Variants in CCT8L2 observed in about 807,000 individuals in gnomAD.
The protein encoded by CCT8L2 is T-complex protein 1 subunit theta-like 2.
CCT8L2 carries 29 observed loss-of-function variants against 31.5 expected under a neutral mutation model. That is an observed-to-expected ratio of 0.92 (90% confidence interval 0.68 to 1.25). The LOEUF (loss-of-function observed/expected upper bound fraction) is 1.25. Ranked by LOEUF, CCT8L2 falls within the 50% of genes most tolerant of loss-of-function variation. CCT8L2 has a pLI of 0.00. For synonymous variants in CCT8L2, 256 were observed against 290.1 expected, an observed-to-expected ratio of 0.88 and a Z score of 1.19; for missense variants, 589 against 695.7, an observed-to-expected ratio of 0.85 and a Z score of 1.73.
rs927041411 is a variant in CCT8L2, at chr22:16,590,918, G to A, written c.1633C>T (p.Pro545Ser). ...PDSKKTKKHP[P>S]PVETKKILGL... ...AGGATTTTTTTTGTTTCCACAGGAG[G>A]TGGGTGTTTCTTTGTCTTCTTAGAG... Residue 545 changes from proline (P) to serine (S), a missense_variant, in exon 1 of 1, where the codon CCT becomes TCT. Physicochemically the swap from Pro to Ser is moderately conservative, Grantham distance 74. Coordinates refer to ENST00000359963, the MANE Select transcript of CCT8L2 (RefSeq NM_014406.5). 4 of 1,613,426 alleles carry A rather than the reference G, an allele frequency of 2.5e-6. No homozygotes were observed. The African/African-American group carries it at 5.3e-5, about 22-fold the overall frequency.
rs1454393209 is a variant in CCT8L2 at position 16,592,351 on chromosome 22, G to A, written c.200C>T (p.Thr67Ile). The A allele has an allele frequency of 6.2e-6, 10 of 1,614,110 alleles. No individual in the cohort carries two copies. Among genetic ancestry groups the A allele is most frequent in the African/African-American group, 1.3e-5 (1 of 74,948 alleles). ...QKFLVTMKGETVCTGCATAIL... is the reference protein window; with the variant it reads ...QKFLVTMKGEIVCTGCATAIL... ...GGCAGTGGCACACCCCGTGCACACTGTTTCTCCTTTCATGGTCACCAGGAA... is the reference window on the plus strand; with the variant it reads ...GGCAGTGGCACACCCCGTGCACACTATTTCTCCTTTCATGGTCACCAGGAA... The change falls in exon 1 of 1, where the codon ACA becomes ATA. Residue 67 changes from threonine to isoleucine, a missense_variant. Coordinates refer to ENST00000359963, the MANE Select transcript of CCT8L2 (RefSeq NM_014406.5).
rs1222051143 is a variant in CCT8L2, at chr22:16,592,202, C to T, written c.349G>A (p.Glu117Lys). The part of the protein sequence containing the change: ...FVVLLTEALL[E>K]QAEQLLKAGL... ...GCCTTCAGCAGCTGCTCTGCCTGTT[C>T]CAGCAAGGCTTCCGTCAGCAGAACC... is the stretch of plus-strand genomic sequence containing the variant. The change falls in exon 1 of 1, where the codon GAA (glutamate) becomes AAA (lysine). Residue 117 changes from glutamate to lysine, a missense_variant. Coordinates refer to ENST00000359963, the MANE Select transcript of CCT8L2 (RefSeq NM_014406.5). 6.2e-7 allele frequency: 1 copy of T among 1,614,022 alleles called. No individual in the cohort carries two copies. Among genetic ancestry groups the T allele is most frequent in the Non-Finnish European group, 8.5e-7 (1 of 1,179,878 alleles).
rs552948865 is a variant in CCT8L2, at chr22:16,591,226, G to A, written c.1325C>T (p.Ala442Val). 30 of 1,614,046 alleles carry A rather than the reference G, an allele frequency of 1.9e-5. No individual in the cohort carries two copies. The South Asian group carries it at 3.0e-4, about 16-fold the overall frequency. The change falls in exon 1 of 1, where the codon GCC becomes GTC. Residue 442 changes from alanine (A) to valine (V), a missense_variant. Ala to Val is a moderately conservative substitution (Grantham distance 64, BLOSUM62 0). Transcript: ENST00000359963. Reference protein sequence around the residue: ...GPSGPAFLAFAWALKYLPKTL... With the variant: ...GPSGPAFLAFVWALKYLPKTL... The stretch of plus-strand genomic sequence containing the variant: ...TTTAGGAAGATACTTCAGGGCCCAG[G>A]CAAATGCTAGGAATGCAGGCCCACT...
In CCT8L2 at chr22:16,591,210, A is replaced by G. The variant is rs777051153; in HGVS notation, c.1341T>C (p.Tyr447=). ...CATTCTCTGCCAAAGTTTTAGGAAG[A>G]TACTTCAGGGCCCAGGCAAATGCTA... ...AFLAFAWALK[Y]LPKTLAENAG... The change falls in exon 1 of 1, where the codon TAT becomes TAC. Residue 447 remains tyrosine, a synonymous_variant. Coordinates refer to ENST00000359963, the MANE Select transcript of CCT8L2 (RefSeq NM_014406.5). 6.8e-6 allele frequency: 11 copies of G among 1,614,052 alleles called. No individual in the cohort carries two copies. The East Asian group carries it at 2.0e-4, about 29-fold the overall frequency.
rs1822853512 is a variant in CCT8L2, at chr22:16,592,685, G to C, written c.-135C>G. The stretch of plus-strand genomic sequence containing the variant: ...CAAGGAGCCAAATGCCCATTGATTG[G>C]TATCTGAAGACATCAGCACGGACCA... On this transcript the variant is annotated 5_prime_UTR_variant, in exon 1 of 1. Coordinates refer to ENST00000359963, the MANE Select transcript of CCT8L2 (RefSeq NM_014406.5). 2.7e-6 allele frequency: 2 copies of C among 734,362 alleles called. No homozygotes were observed. The highest frequency in any genetic ancestry group is 3.6e-5 in the African/African-American group (2 of 56,002). 45.5% of individuals were successfully genotyped at this position (734,362 alleles called of 1,614,324 possible).
Position 16,592,164 on chromosome 22 carries a change from G to T in CCT8L2, c.387C>A (p.Arg129=), listed in dbSNP as rs1225445332. Residue 129 remains arginine (R), a synonymous_variant, in exon 1 of 1, where the codon CGC becomes CGA. Coordinates refer to ENST00000359963, the MANE Select transcript of CCT8L2 (RefSeq NM_014406.5). ...TGGCGTAGGCCTCCCGGAGCTGCGGGCGAGGCAGGCCAGCCTTCAGCAGCT... is the reference window on the plus strand; with the variant it reads ...TGGCGTAGGCCTCCCGGAGCTGCGGTCGAGGCAGGCCAGCCTTCAGCAGCT... ...AEQLLKAGLP[R]PQLREAYATA... 3.1e-6 allele frequency: 5 copies of T among 1,614,060 alleles called. No homozygotes were observed. The highest frequency in any genetic ancestry group is 2.2e-5 in the East Asian group (1 of 44,886).
rs372041947 is a variant in CCT8L2 at position 16,591,063 on chromosome 22, G to T, written c.1488C>A (p.Thr496=). The T allele has an allele frequency of 4.5e-5, 73 of 1,613,902 alleles. 1 individual carries two copies. The African/African-American group carries it at 8.1e-4, about 18-fold the overall frequency. The part of the protein sequence containing the change: ...INVAQEGVWD[T]LIVKAQGFRA... ...GAAATCCTTGGGCTTTGACTATTAG[G>T]GTGTCCCACACCCCTTCCTGGGCCA... is the stretch of plus-strand genomic sequence containing the variant. Residue 496 remains threonine, a synonymous_variant, in exon 1 of 1, where the codon ACC becomes ACA. Transcript: ENST00000359963.
Position 16,591,850 on chromosome 22 carries a change from G to A in CCT8L2, c.701C>T (p.Thr234Ile), listed in dbSNP as rs776115318. The A allele has an allele frequency of 6.2e-6, 10 of 1,614,076 alleles. No homozygotes were observed. The African/African-American group carries it at 1.2e-4, about 19-fold the overall frequency. The part of the protein sequence containing the change: ...ISGKLCGQMA[T>I]VLSGARVALF... ...AGCCACCCTGGCACCACTTAACACT[G>A]TGGCCATTTGCCCACAGAGCTTCCC... Residue 234 changes from threonine to isoleucine, a missense_variant, in exon 1 of 1, where the codon ACA (threonine) becomes ATA (isoleucine). Physicochemically the swap from Thr to Ile is moderately conservative, Grantham distance 89. Coordinates refer to ENST00000359963, the MANE Select transcript of CCT8L2 (RefSeq NM_014406.5).
chr22:16,591,058 A>G lies in CCT8L2; in HGVS notation c.1493T>C (p.Ile498Thr). The G allele has an allele frequency of 6.2e-7, 1 of 1,613,964 alleles. No individual in the cohort carries two copies. The highest frequency in any genetic ancestry group is 8.5e-7 in the Non-Finnish European group (1 of 1,179,856). Residue 498 changes from isoleucine to threonine, a missense_variant, in exon 1 of 1, where the codon ATA (isoleucine) becomes ACA (threonine). Physicochemically the swap from Ile to Thr is moderately conservative, Grantham distance 89 (BLOSUM62 -1). Coordinates refer to ENST00000359963, the MANE Select transcript of CCT8L2 (RefSeq NM_014406.5). ...VAQEGVWDTL[I>T]VKAQGFRAVA... ...TGCTCGAAATCCTTGGGCTTTGACTATTAGGGTGTCCCACACCCCTTCCTG... is the reference window on the plus strand; with the variant it reads ...TGCTCGAAATCCTTGGGCTTTGACTGTTAGGGTGTCCCACACCCCTTCCTG...
chr22:16,591,711 C>T lies in CCT8L2; in HGVS notation c.840G>A (p.Lys280=), dbSNP rs1243605827. Reference sequence around the variant, plus strand: ...CTGCAGCTGCTAGCTGGCCTACTTGCTTTTCTAGTAATTGATCGCTTCCTT... The same window carrying T: ...CTGCAGCTGCTAGCTGGCCTACTTGTTTTTCTAGTAATTGATCGCTTCCTT... The part of the protein sequence containing the change: ...FSKGSDQLLE[K]QVGQLAAAGI... The change falls in exon 1 of 1, where the codon AAG becomes AAA. Residue 280 remains lysine (K), a synonymous_variant. Transcript: ENST00000359963. 3.1e-6 allele frequency: 5 copies of T among 1,614,106 alleles called. No homozygotes were observed. The highest frequency in any genetic ancestry group is 3.4e-6 in the Non-Finnish European group (4 of 1,180,050).
Position 16,591,316 on chromosome 22 carries a change from G to A in CCT8L2, c.1235C>T (p.Ala412Val), listed in dbSNP as rs2059589054. Residue 412 changes from alanine (A) to valine (V), a missense_variant, in exon 1 of 1, where the codon GCT (alanine) becomes GTT (valine). Physicochemically the swap from Ala to Val is moderately conservative, Grantham distance 64 (BLOSUM62 0). Transcript: ENST00000359963. ...TGCCAAAGCCATTTCTGTGGCCCCA[G>A]CTCCTGGAATCAGTCTGGGATCTTG... ...LCQDPRLIPG[A>V]GATEMALAKM... 1 of 1,614,042 alleles carries A rather than the reference G, an allele frequency of 6.2e-7. No individual in the cohort carries two copies. Among genetic ancestry groups the A allele is most frequent in the Middle Eastern group, 1.7e-4 (1 of 6,056 alleles).
At position 16,592,097 on chromosome 22, in the gene CCT8L2, T is replaced by C. The variant is rs2059593038; in HGVS notation, c.454A>G (p.Ile152Val). Residue 152 changes from isoleucine to valine, a missense_variant, in exon 1 of 1, where the codon ATC (isoleucine) becomes GTC (valine). Ile to Val is a conservative substitution (Grantham distance 29, BLOSUM62 3). Coordinates refer to ENST00000359963, the MANE Select transcript of CCT8L2 (RefSeq NM_014406.5). Reference protein sequence around the residue: ...EVLATLPSLAIQSLGPLEDPS... With the variant: ...EVLATLPSLAVQSLGPLEDPS... Reference sequence around the variant, plus strand: ...TCTTCCAAAGGCCCCAGAGATTGGATGGCCAGGGAGGGCAGTGTGGCCAGG... The same window carrying C: ...TCTTCCAAAGGCCCCAGAGATTGGACGGCCAGGGAGGGCAGTGTGGCCAGG... The C allele has an allele frequency of 2.5e-6, 4 of 1,614,188 alleles. No individual in the cohort carries two copies. Among genetic ancestry groups the C allele is most frequent in the African/African-American group, 2.7e-5 (2 of 75,046 alleles).
rs748372197 is a variant in CCT8L2 at position 16,590,937 on chromosome 22, C to T, written c.1614G>A (p.Lys538=). 6.2e-7 allele frequency: 1 copy of T among 1,613,846 alleles called. No homozygotes were observed. Among genetic ancestry groups the T allele is most frequent in the Non-Finnish European group, 8.5e-7 (1 of 1,179,840 alleles). The part of the protein sequence containing the change: ...THQEIWNPDS[K]KTKKHPPPVE... ...CAGGAGGTGGGTGTTTCTTTGTCTT[C>T]TTAGAGTCAGGATTCCAGATCTCCT... The change falls in exon 1 of 1, where the codon AAG becomes AAA. Residue 538 remains lysine, a synonymous_variant. Transcript: ENST00000359963.
Position 16,591,164 on chromosome 22 carries a change from C to G in CCT8L2, c.1387G>C (p.Val463Leu). ...AENAGLAVSD[V>L]MAEMSGVHQG... ...TGCACTCCACTCATTTCTGCCATCA[C>G]GTCTGAGACAGCTAAGCCTGCATTC... Residue 463 changes from valine to leucine, a missense_variant, in exon 1 of 1, where the codon GTG becomes CTG. Coordinates refer to ENST00000359963, the MANE Select transcript of CCT8L2 (RefSeq NM_014406.5). The G allele has an allele frequency of 6.2e-7, 1 of 1,614,044 alleles. No homozygotes were observed. The highest frequency in any genetic ancestry group is 8.5e-7 in the Non-Finnish European group (1 of 1,179,878).
Position 16,590,900 on chromosome 22 carries a change from T to G in CCT8L2, c.1651A>C (p.Lys551Gln). The change falls in exon 1 of 1, where the codon AAA becomes CAA. Residue 551 changes from lysine to glutamine, a missense_variant. Lys to Gln is a moderately conservative substitution (Grantham distance 53, BLOSUM62 1). Coordinates refer to ENST00000359963, the MANE Select transcript of CCT8L2 (RefSeq NM_014406.5). Reference protein sequence around the residue: ...KKHPPPVETKKILGLNN With the variant: ...KKHPPPVETKQILGLNN ...CACTAGTTATTCAATCCAAGGATTTTTTTTGTTTCCACAGGAGGTGGGTGT... is the reference window on the plus strand; with the variant it reads ...CACTAGTTATTCAATCCAAGGATTTGTTTTGTTTCCACAGGAGGTGGGTGT... 1.2e-6 allele frequency: 2 copies of G among 1,610,530 alleles called. No individual in the cohort carries two copies. The highest frequency in any genetic ancestry group is 8.5e-7 in the Non-Finnish European group (1 of 1,178,834).
chr22:16,592,196 C>A lies in CCT8L2; in HGVS notation c.355G>T (p.Ala119Ser). The A allele has an allele frequency of 1.2e-6, 2 of 1,613,996 alleles. No homozygotes were observed. Among genetic ancestry groups the A allele is most frequent in the South Asian group, 1.1e-5 (1 of 91,070 alleles). ...VLLTEALLEQ[A>S]EQLLKAGLPR... ...AGGCCAGCCTTCAGCAGCTGCTCTG[C>A]CTGTTCCAGCAAGGCTTCCGTCAGC... The change falls in exon 1 of 1, where the codon GCA becomes TCA. Residue 119 changes from alanine (A) to serine (S), a missense_variant. Physicochemically the swap from Ala to Ser is moderately conservative, Grantham distance 99 (BLOSUM62 1). Transcript: ENST00000359963.
At position 16,591,994 on chromosome 22, in the gene CCT8L2, T is replaced by C. The variant is rs1016674568; in HGVS notation, c.557A>G (p.His186Arg). 36 of 1,614,056 alleles carry C rather than the reference T, an allele frequency of 2.2e-5. No individual in the cohort carries two copies. The highest frequency in any genetic ancestry group is 3.1e-5 in the Non-Finnish European group (36 of 1,180,046). Residue 186 changes from histidine to arginine, a missense_variant, in exon 1 of 1, where the codon CAC (histidine) becomes CGC (arginine). Physicochemically the swap from His to Arg is conservative, Grantham distance 29 (BLOSUM62 0). Coordinates refer to ENST00000359963, the MANE Select transcript of CCT8L2 (RefSeq NM_014406.5). ...TAGTTCCTTGATAGCCCAGCAGGCG[T>C]GGGCCACCAGCTTGGTCAAGTGGTC... ...PMDHLTKLVA[H>R]ACWAIKELDG...
At position 16,591,883 on chromosome 22, in the gene CCT8L2, G is replaced by T; in HGVS notation, c.668C>A (p.Ala223Glu). 6.2e-7 allele frequency: 1 copy of T among 1,614,126 alleles called. No individual in the cohort carries two copies. The stretch of plus-strand genomic sequence containing the variant: ...TTGCCCACAGAGCTTCCCAGATATT[G>T]CTAACCCCGGGAGGAGGCAGGAATC... ...LEDSCLLPGL[A>E]ISGKLCGQMA... Residue 223 changes from alanine (A) to glutamate (E), a missense_variant, in exon 1 of 1, where the codon GCA (alanine) becomes GAA (glutamate). Physicochemically the swap from Ala to Glu is moderately radical, Grantham distance 107. Coordinates refer to ENST00000359963, the MANE Select transcript of CCT8L2 (RefSeq NM_014406.5).
Position 16,591,497 on chromosome 22 carries a change from T to A in CCT8L2, c.1054A>T (p.Arg352Trp). 1 of 1,614,188 alleles carries A rather than the reference T, an allele frequency of 6.2e-7. No individual in the cohort carries two copies. The highest frequency in any genetic ancestry group is 8.5e-7 in the Non-Finnish European group (1 of 1,180,018). The change falls in exon 1 of 1, where the codon AGG becomes TGG. Residue 352 changes from arginine to tryptophan, a missense_variant. Arg to Trp is a moderately radical substitution (Grantham distance 101). Coordinates refer to ENST00000359963, the MANE Select transcript of CCT8L2 (RefSeq NM_014406.5). Reference sequence around the variant, plus strand: ...GCCAAACCATCTCCCAGCTCCTGCCTGTAAACCCTCTGGCACTTGCCTGGC... The same window carrying A: ...GCCAAACCATCTCCCAGCTCCTGCCAGTAAACCCTCTGGCACTTGCCTGGC... Reference protein sequence around the residue: ...QRPGKCQRVYRQELGDGLAVV... With the variant: ...QRPGKCQRVYWQELGDGLAVV...
Sources: gnomAD v4.1 joint callset for allele counts on GRCh38, gnomAD v4.1.1 for gene constraint, MANE v1.5 for transcripts, NCBI Gene and HGNC (gene_info 2026-07-23, HGNC 2026-07-21) for gene names.